Variants in CTNNA2 observed in about 807,000 individuals in gnomAD.
CTNNA2 encodes the protein catenin alpha-2.
A neutral mutation model predicts 101.0 loss-of-function variants in CTNNA2; 42 were observed. The ratio of observed to expected loss-of-function variants is 0.42; its 90% CI spans 0.32 to 0.54. The LOEUF (loss-of-function observed/expected upper bound fraction) is 0.54. Ranked by LOEUF, CTNNA2 falls within the 20% of genes least tolerant of loss-of-function variation. The pLI is 0.14. For synonymous variants in CTNNA2, 450 were observed against 456.4 expected, an observed-to-expected ratio of 0.99 and a Z score of 0.18; for missense variants, 871 against 1,223.1, an observed-to-expected ratio of 0.71 and a Z score of 4.29.
intron 7 of CTNNA2, among the ~76,000 whole-genome samples, chr2:79,969,484 A>C (rs961547229): frequency 6.6e-6 from 1 of 152,272 alleles, no homozygotes; most frequent in Non-Finnish European, 1.5e-5. Flanking sequence ...GTTAAAAGAA[A>C]GAGGTCAGAA....
chr2:79,633,124 T>C (rs1573526073), intron 1 of CTNNA2, among the ~76,000 whole-genome samples: 1 of 152,226 alleles, frequency 6.6e-6, no homozygotes, highest in South Asian at 2.1e-4. Flanking sequence ...GGTTTGGGGC[T>C]GCAAATAATA....
chr2:79,851,236 G>A (rs1049287629), intron 3 of CTNNA2, among the ~76,000 whole-genome samples: 14 of 152,166 alleles, frequency 9.2e-5, no homozygotes, highest in African/African-American at 2.4e-4. Flanking sequence ...AGTTTGTTTT[G>A]TCTCAAATGA....
chr2:79,454,621 G>A (rs928839214), intron 4 of CTNNA2, among the ~76,000 whole-genome samples: 7 of 152,120 alleles, frequency 4.6e-5, no homozygotes, highest in Admixed American at 1.3e-4. Context: ...TCTTTCCAGT[G>A]TGGATTCACA....
chr2:80,256,630 G>A (rs1051141124), intron 7 of CTNNA2, among the ~76,000 whole-genome samples: 2 of 152,030 alleles, frequency 1.3e-5, no homozygotes, highest in Admixed American at 6.6e-5. Context: ...CCTAGAAAGC[G>A]GTCATCCAGC....
intron 9 of CTNNA2, among the ~76,000 whole-genome samples, chr2:80,466,190 T>G (rs1433742966): frequency 1.3e-5 from 2 of 152,176 alleles, no homozygotes; most frequent in Non-Finnish European, 2.9e-5. Flanking sequence ...TATAAAGTAA[T>G]AGAAATCTGA....
At chr2:80,525,617 T>C (rs1370577277) in intron 9 of CTNNA2, among the ~76,000 whole-genome samples, 2 of 152,166 alleles carry the variant, frequency 1.3e-5, no homozygotes, top group Non-Finnish European at 2.9e-5. Context: ...ATATCAAATG[T>C]TTGCTTTTGT....
chr2:79,918,468 A>C (rs1686417623), intron 7 of CTNNA2, among the ~76,000 whole-genome samples: 1 of 152,174 alleles, frequency 6.6e-6, no homozygotes, highest in Non-Finnish European at 1.5e-5. Flanking sequence ...CTGGATTCCC[A>C]GTTAATGAAA....
At chr2:79,348,767 C>G (rs1411883813) in intron 3 of CTNNA2, among the ~76,000 whole-genome samples, 1 of 152,198 alleles carries the variant, frequency 6.6e-6, no homozygotes, top group East Asian at 1.9e-4. Context: ...TCCATCTTCC[C>G]CTTGTCTAGA....
intron 9 of CTNNA2, among the ~76,000 whole-genome samples, chr2:80,498,739 C>T (rs1455018018): frequency 2.0e-5 from 3 of 152,138 alleles, no homozygotes; most frequent in East Asian, 1.9e-4. Context: ...ACATTTTTAC[C>T]GATTTCTTAA....
At chr2:80,076,120 T>A (rs1283016765) in intron 7 of CTNNA2, among the ~76,000 whole-genome samples, 1 of 151,912 alleles carries the variant, frequency 6.6e-6, no homozygotes, top group Non-Finnish European at 1.5e-5. Context: ...TGCCACAAAG[T>A]CCTCCCCACC....
At chr2:79,270,551 C>T (rs1162535984) in intron 2 of CTNNA2, among the ~76,000 whole-genome samples, 1 of 152,064 alleles carries the variant, frequency 6.6e-6, no homozygotes, top group Non-Finnish European at 1.5e-5. Flanking sequence ...AGCAATTGCA[C>T]AGGCTGGGTG....
chr2:80,180,631 G>A (rs1705720272), intron 7 of CTNNA2, among the ~76,000 whole-genome samples: 1 of 152,182 alleles, frequency 6.6e-6, no homozygotes, highest in Non-Finnish European at 1.5e-5. Flanking sequence ...ACAGAGAAGA[G>A]CAATCACAGA....
intron 1 of CTNNA2, among the ~76,000 whole-genome samples, chr2:79,618,459 A>G (rs1558775683): frequency 6.6e-6 from 1 of 151,680 alleles, no homozygotes; most frequent in South Asian, 2.1e-4. Context: ...ATTAGAATTT[A>G]TTTTTTTTAA....
chr2:79,955,587 C>T (rs1215260919), intron 7 of CTNNA2, among the ~76,000 whole-genome samples: 1 of 152,208 alleles, frequency 6.6e-6, no homozygotes, highest in East Asian at 1.9e-4. Flanking sequence ...GAGTCTCGCT[C>T]TGTCACTCAG....
chr2:79,484,045 T>C (rs1671134385), intron 4 of CTNNA2, among the ~76,000 whole-genome samples: 1 of 152,008 alleles, frequency 6.6e-6, no homozygotes, highest in African/African-American at 2.4e-5. Flanking sequence ...GAATTCAAGA[T>C]CAGCCTGGGC....
At chr2:80,425,526 C>G (rs960163040) in intron 9 of CTNNA2, among the ~76,000 whole-genome samples, 1 of 152,100 alleles carries the variant, frequency 6.6e-6, no homozygotes, top group Non-Finnish European at 1.5e-5. Flanking sequence ...CAATCCTTCC[C>G]AGGGCGCCTT....
chr2:79,242,768 G>T, intron 2 of CTNNA2, among the ~76,000 whole-genome samples: 1 of 151,914 alleles, frequency 6.6e-6, no homozygotes, highest in Non-Finnish European at 1.5e-5. Flanking sequence ...AGAAGTTTGA[G>T]ACAATCCTAG....
intron 2 of CTNNA2, among the ~76,000 whole-genome samples, chr2:79,744,041 C>A (rs1298609898): frequency 6.6e-6 from 1 of 152,108 alleles, no homozygotes; most frequent in Admixed American, 6.5e-5. Context: ...TGCTTTGCTT[C>A]CTTGCCACCC....
At chr2:79,832,219 A>G (rs1558562606) in intron 3 of CTNNA2, among the ~76,000 whole-genome samples, 1 of 151,772 alleles carries the variant, frequency 6.6e-6, no homozygotes, top group South Asian at 2.1e-4. Context: ...GTGAAAGGAA[A>G]CCCTCCTCCA....
Sources: gnomAD v4.1 joint callset for allele counts (sites outside exome capture counted in the v4.1 genomes callset) on GRCh38, gnomAD v4.1.1 for gene constraint, MANE v1.5 for transcripts, NCBI Gene and HGNC (gene_info 2026-07-23, HGNC 2026-07-21) for gene names.